Variants in USP30 observed in about 807,000 individuals in gnomAD.
The protein encoded by USP30 is ubiquitin carboxyl-terminal hydrolase 30.
A neutral mutation model predicts 68.2 loss-of-function variants in USP30; 41 were observed. The observed-to-expected ratio is 0.60, with a 90% CI of 0.47 to 0.78. The LOEUF (loss-of-function observed/expected upper bound fraction) is 0.78, where lower values mean the gene tolerates loss of function less well. Ranked by LOEUF, USP30 falls within the 30% of genes least tolerant of loss-of-function variation. USP30 has a pLI of 0.00. For synonymous variants in USP30, 229 were observed against 253.7 expected (o/e 0.90, Z 0.93); for missense variants, 522 against 649.4 (o/e 0.80, Z 2.13).
At chr12:109,062,552 T>A (rs936490151) in intron 3 of USP30, among the ~76,000 whole-genome samples, 1 of 151,822 alleles carries the variant, frequency 6.6e-6, no homozygotes, top group African/African-American at 2.4e-5. Context: ...ATGGTCTCAA[T>A]CTCCTGACCT....
At chr12:109,048,522 C>T (rs2040626830), upstream of USP30, among the ~76,000 whole-genome samples, 1 of 151,802 alleles carries the variant, frequency 6.6e-6, no homozygotes, top group Non-Finnish European at 1.5e-5. Context: ...CTTGATTCAC[C>T]TGAGGTCAGG....
intron 1 of USP30, among the ~76,000 whole-genome samples, chr12:109,054,315 G>C (rs142164192): frequency 3.0e-4 from 45 of 152,282 alleles, no homozygotes; most frequent in African/African-American, 8.2e-4. Context: ...GAGCTCAGGA[G>C]TTCGAGACCA....
intron 3 of USP30, among the ~76,000 whole-genome samples, chr12:109,029,609 C>T (rs1406644617): frequency 1.3e-5 from 2 of 152,100 alleles, no homozygotes; most frequent in Non-Finnish European, 2.9e-5. Context: ...GACTTTCCAC[C>T]CTCCCTCCGT....
At chr12:109,066,266 A>C (rs2041246010) in intron 3 of USP30, among the ~76,000 whole-genome samples, 1 of 151,210 alleles carries the variant, frequency 6.6e-6, no homozygotes, top group East Asian at 1.9e-4. Flanking sequence ...AAAAAAAAAA[A>C]GCAAGCCTAA....
intron 11 of USP30, among the ~76,000 whole-genome samples, chr12:109,083,314 A>G (rs866508697): frequency 6.6e-6 from 1 of 152,218 alleles, no homozygotes; most frequent in African/African-American, 2.4e-5. Flanking sequence ...AACGCTTAAA[A>G]TTGCAGCTTT....
intron 3 of USP30, among the ~76,000 whole-genome samples, chr12:109,034,141 C>T (rs1006211365): frequency 1.3e-5 from 2 of 152,124 alleles, no homozygotes; most frequent in African/African-American, 4.8e-5. Flanking sequence ...GAATAGTGGT[C>T]TTCTCTCCAC....
chr12:109,055,369 C>CATATATATACATATATATATAT lies in USP30; in HGVS notation c.84-1303_84-1282dup, dbSNP rs1593239452. ...TATTTTATATATATATACACACACA[C>CATATATATACATATATATATAT]ATATATATACATATATATATATATA... On this transcript the variant is annotated intron_variant, in intron 1 of 12. Transcript: ENST00000257548. 4.6e-3 allele frequency among the ~76,000 whole-genome samples: 318 copies of CATATATATACATATATATATAT among 68,724 alleles called. 8 individuals are homozygous for CATATATATACATATATATATAT. Among genetic ancestry groups the CATATATATACATATATATATAT allele is most frequent in the Middle Eastern group, 0.015 (2 of 134 alleles). 45.1% of individuals were successfully genotyped at this position (68,724 alleles called of 152,430 possible).
chr12:109,049,881 C>T (rs552803896), upstream of USP30, among the ~76,000 whole-genome samples: 2 of 152,126 alleles, frequency 1.3e-5, no homozygotes, highest in Non-Finnish European at 2.9e-5. Flanking sequence ...TACAGAGACA[C>T]GAAGTGAGCA....
rs549458581 is a variant in USP30, at chr12:109,040,641, C to A, written c.-135-6949C>A. 2.1e-3 allele frequency among the ~76,000 whole-genome samples: 326 copies of A among 152,280 alleles called. 2 individuals carry two copies. The highest frequency in any genetic ancestry group is 4.2e-3 in the Non-Finnish European group (283 of 68,030). Reference sequence around the variant, plus strand: ...GACTTGACTGGGGCTGGAGGATCCACTTTCAAGATGGTGCACTCACGTGAT... The same window carrying A: ...GACTTGACTGGGGCTGGAGGATCCAATTTCAAGATGGTGCACTCACGTGAT... On this transcript the variant is annotated intron_variant, in intron 3 of 15. Coordinates refer to the USP30 transcript ENST00000392784.
chr12:109,063,161 G>A (rs1361874592), intron 3 of USP30, among the ~76,000 whole-genome samples: 3 of 151,992 alleles, frequency 2.0e-5, no homozygotes, highest in Non-Finnish European at 4.4e-5. Context: ...GCGCAGTGGT[G>A]CGATCTTAGC....
At chr12:109,045,954 T>C (rs969222339) in intron 3 of USP30, among the ~76,000 whole-genome samples, 1 of 152,100 alleles carries the variant, frequency 6.6e-6, no homozygotes, top group African/African-American at 2.4e-5. Context: ...GCTCACACAG[T>C]TGTGGAAGCT....
chr12:109,079,969 A>C (rs2041746754), intron 7 of USP30, among the ~76,000 whole-genome samples: 1 of 152,198 alleles, frequency 6.6e-6, no homozygotes, highest in Non-Finnish European at 1.5e-5. Context: ...CATATCTATG[A>C]AGAAAAATTA....
intron 3 of USP30, among the ~76,000 whole-genome samples, chr12:109,031,371 G>A (rs944256123): frequency 2.6e-5 from 4 of 152,126 alleles, no homozygotes; most frequent in African/African-American, 9.7e-5. Context: ...TTTTTTTCCA[G>A]AGCACATCAT....
At chr12:109,073,566 A>G (rs777087023) in intron 7 of USP30, 34 bp downstream of exon 7, 8 of 1,583,204 alleles carry the variant, frequency 5.1e-6, no homozygotes, top group Non-Finnish European at 6.9e-6. Context: ...TATTTCCGGG[A>G]GAGGTTTTCC....
rs1470992545 is a variant in USP30 at position 109,087,435 on chromosome 12, A to T, written c.*1504A>T. On this transcript the variant is annotated 3_prime_UTR_variant, in exon 13 of 13. Coordinates refer to ENST00000257548, the MANE Select transcript of USP30 (RefSeq NM_032663.5). ...CTGCACCCTGAGGACTCAGTAACTC[A>T]CTCTCAACAGAATATTCTGTGCAGG... The T allele has an allele frequency of 6.6e-6, 1 of 152,048 alleles. No individual in the cohort carries two copies. The highest frequency in any genetic ancestry group is 1.5e-5 in the Non-Finnish European group (1 of 68,064). The allele number at this position is 152,048 out of a possible 1,614,324, so 9.4% of individuals were successfully genotyped here.
intron 8 of USP30, chr12:109,081,661 A>G (rs2041806558): frequency 1.7e-6 from 1 of 590,484 alleles, no homozygotes; most frequent in Non-Finnish European, 3.0e-6. Flanking sequence ...ACACACACAC[A>G]CAGACATTAA....
At chr12:109,044,384 T>A (rs988275223) in intron 3 of USP30, among the ~76,000 whole-genome samples, 1 of 152,180 alleles carries the variant, frequency 6.6e-6, no homozygotes, top group African/African-American at 2.4e-5. Context: ...ACGCCTGCGA[T>A]CTGAGCAGTT....
At chr12:109,067,125 T>C (rs2041279925) in intron 3 of USP30, among the ~76,000 whole-genome samples, 1 of 145,170 alleles carries the variant, frequency 6.9e-6, no homozygotes, top group Non-Finnish European at 1.5e-5. Flanking sequence ...TTTTTTTTTT[T>C]TTTTTTGAGA....
intron 7 of USP30, 92 bp from the exon 8 acceptor site, chr12:109,081,242 T>A (rs1280617977): frequency 8.4e-6 from 10 of 1,194,778 alleles, no homozygotes; most frequent in Non-Finnish European, 1.1e-5. Flanking sequence ...GGCATCTCAA[T>A]ATTAAACTGT....
Sources: allele counts gnomAD v4.1 joint callset (sites outside exome capture counted in the v4.1 genomes callset), GRCh38; gene constraint gnomAD v4.1.1; transcripts MANE v1.5; gene names NCBI Gene and HGNC (gene_info 2026-07-23, HGNC 2026-07-21).